GALNS: variants seen among roughly 807,000 people sequenced by gnomAD.
GALNS encodes the protein galactosamine (N-acetyl)-6-sulfatase.
A neutral mutation model predicts 65.9 loss-of-function variants in GALNS; 65 were observed. The ratio of observed to expected loss-of-function variants is 0.99; its 90% CI spans 0.81 to 1.21. The LOEUF is 1.21. GALNS is among the 50% of genes most tolerant of loss of function. The pLI is 0.00. For synonymous variants in GALNS, 346 were observed against 288.9 expected (o/e 1.20, Z -2.00); for missense variants, 776 against 700.7 (o/e 1.11, Z -1.21).
intron 1 of GALNS, among the ~76,000 whole-genome samples, chr16:88,851,407 T>A (rs1034073687): frequency 6.6e-6 from 1 of 152,096 alleles, no homozygotes; most frequent in African/African-American, 2.4e-5. Context: ...CATGGCTGAA[T>A]AGGAACAGCT....
chr16:88,817,434 G>T lies in GALNS; in HGVS notation c.1482+573C>A, dbSNP rs897939487. On this transcript the variant is annotated intron_variant, in intron 13 of 13. Transcript: ENST00000268695. ...GGTGGGTGCCTATGAGTGAGATCAGGTCTGATGCGAAGGTCTCTGGGGCTG... is the reference window on the plus strand; with the variant it reads ...GGTGGGTGCCTATGAGTGAGATCAGTTCTGATGCGAAGGTCTCTGGGGCTG... 5.1e-6 allele frequency: 5 copies of T among 985,330 alleles called. No individual in the cohort carries two copies. The African/African-American group carries it at 7.0e-5, about 14-fold the overall frequency. The allele number at this position is 985,330 out of a possible 1,614,324, so 61.0% of individuals were successfully genotyped here.
intron 13 of GALNS, 177 bp from the exon 14 acceptor site, chr16:88,814,702 T>C (rs1370542168): frequency 3.8e-6 from 2 of 525,192 alleles, no homozygotes; most frequent in Non-Finnish European, 4.9e-6. Flanking sequence ...CAAGAGATTC[T>C]CCTGCCTCAG....
At chr16:88,846,687 C>T (rs775280586) in intron 1 of GALNS, among the ~76,000 whole-genome samples, 4 of 151,820 alleles carry the variant, frequency 2.6e-5, no homozygotes, top group Admixed American at 6.6e-5. Flanking sequence ...GGATTATAGG[C>T]GCCCTCCATC....
chr16:88,849,603 G>C (rs1282068766), intron 1 of GALNS, among the ~76,000 whole-genome samples: 2 of 151,958 alleles, frequency 1.3e-5, no homozygotes, highest in Admixed American at 6.6e-5. Flanking sequence ...TTGTATTTTT[G>C]GTAGAGATGG....
intron 1 of GALNS, among the ~76,000 whole-genome samples, chr16:88,852,740 C>T (rs554559228): frequency 6.6e-6 from 1 of 152,290 alleles, no homozygotes; most frequent in Non-Finnish European, 1.5e-5. Context: ...GTGACGCATG[C>T]ACAAGCTTCA....
chr16:88,822,551 C>G, intron 12 of GALNS, 38 bp downstream of exon 12: 1 of 1,611,030 alleles, frequency 6.2e-7, no homozygotes, highest in Non-Finnish European at 8.5e-7. Flanking sequence ...GTCCGGCTGG[C>G]ACTGCCTCAG....
Position 88,840,791 on chromosome 16 carries a change from C to A in GALNS, c.422+201G>T, listed in dbSNP as rs918327622. 1.5e-5 allele frequency: 9 copies of A among 619,776 alleles called. No homozygotes were observed. In the African/African-American group the frequency reaches 1.6e-4, roughly 11 times the overall value. The allele number at this position is 619,776 out of a possible 1,614,324, so 38.4% of individuals were successfully genotyped here. ...AGGATACTCGCGGCCGTGGGACCAG[C>A]CTGGTGACCTGAGATCCTGCTGGCA... is the stretch of plus-strand genomic sequence containing the variant. On this transcript the variant is annotated intron_variant, in intron 4 of 13. Coordinates refer to ENST00000268695, the MANE Select transcript of GALNS (RefSeq NM_000512.5).
chr16:88,827,054 G>A (rs962404385), intron 9 of GALNS: 4 of 610,758 alleles, frequency 6.5e-6, no homozygotes, highest in African/African-American at 1.8e-5. Context: ...GCCAGGCCAC[G>A]CCCTCACTCC....
intron 1 of GALNS, among the ~76,000 whole-genome samples, chr16:88,852,505 C>G (rs1337358575): frequency 6.6e-6 from 1 of 152,210 alleles, no homozygotes; most frequent in Non-Finnish European, 1.5e-5. Flanking sequence ...TCCTCGCCAG[C>G]AAGGGAACAA....
chr16:88,853,465 C>T (rs527714076), intron 1 of GALNS, among the ~76,000 whole-genome samples: 13 of 152,274 alleles, frequency 8.5e-5, no homozygotes, highest in Middle Eastern at 3.4e-3. Context: ...CAACCCTCCC[C>T]GGACTCTGGT....
intron 9 of GALNS, among the ~76,000 whole-genome samples, chr16:88,829,171 G>C (rs145957122): frequency 3.4e-4 from 49 of 143,310 alleles, no homozygotes; most frequent in Admixed American, 1.0e-3. Flanking sequence ...GTCTCCCAGA[G>C]CTACACAGTT....
In GALNS at chr16:88,846,174, A is replaced by C. The variant is rs1349704250; in HGVS notation, c.121-3345T>G. 2.0e-5 allele frequency among the ~76,000 whole-genome samples: 3 copies of C among 152,324 alleles called. No individual in the cohort carries two copies. The East Asian group carries it at 5.8e-4, about 29-fold the overall frequency. The stretch of plus-strand genomic sequence containing the variant: ...GTTAATGGGTGGAGCTGTATCCCCA[A>C]AAGTTATGCTGAAATCATGGCCCCA... On this transcript the variant is annotated intron_variant, in intron 1 of 13. Coordinates refer to ENST00000268695, the MANE Select transcript of GALNS (RefSeq NM_000512.5).
intron 2 of GALNS, chr16:88,842,448 C>T (rs923226458): frequency 1.2e-5 from 7 of 572,928 alleles, no homozygotes; most frequent in African/African-American, 7.5e-5. Flanking sequence ...CCACAGCACT[C>T]GACTCTGGGA....
intron 12 of GALNS, among the ~76,000 whole-genome samples, chr16:88,821,042 TTCACGGGTC>T (rs1910159568): frequency 6.6e-6 from 1 of 152,156 alleles, no homozygotes; most frequent in African/African-American, 2.4e-5. Context: ...CCCCCATGGT[TTCACGGGTC>T]TCACCCCCAT....
chr16:88,829,127 C>T (rs1044333543), intron 9 of GALNS, among the ~76,000 whole-genome samples: 2 of 151,266 alleles, frequency 1.3e-5, no homozygotes, highest in African/African-American at 4.9e-5. Flanking sequence ...CCAACGTCTC[C>T]CAGAGCTACG....
intron 4 of GALNS, among the ~76,000 whole-genome samples, chr16:88,839,936 G>A (rs1446268688): frequency 2.6e-5 from 4 of 152,208 alleles, no homozygotes; most frequent in Non-Finnish European, 5.9e-5. Context: ...CACTTGGAGA[G>A]GCCACCGGCT....
At chr16:88,817,816 G>A (rs1193513535) in intron 13 of GALNS, among the ~76,000 whole-genome samples, 191 bp downstream of exon 13, 5 of 152,180 alleles carry the variant, frequency 3.3e-5, no homozygotes, top group African/African-American at 4.8e-5. Flanking sequence ...TCTGGTCCCC[G>A]AGTCGCTTGG....
chr16:88,822,868 C>G (rs1232784934), intron 11 of GALNS, among the ~76,000 whole-genome samples, 158 bp from the exon 12 acceptor site: 1 of 152,132 alleles, frequency 6.6e-6, no homozygotes, highest in Non-Finnish European at 1.5e-5. Context: ...GGGGTCTCGT[C>G]TGCCTGTGCC....
At chr16:88,829,331 T>C (rs1252641136) in intron 9 of GALNS, among the ~76,000 whole-genome samples, 1 of 152,122 alleles carries the variant, frequency 6.6e-6, no homozygotes, top group Non-Finnish European at 1.5e-5. Flanking sequence ...CTGCATTCTG[T>C]CCTAGGGGCA....
Sources: gnomAD v4.1 joint callset for allele counts (sites outside exome capture counted in the v4.1 genomes callset) on GRCh38, gnomAD v4.1.1 for gene constraint, MANE v1.5 for transcripts, NCBI Gene and HGNC (gene_info 2026-07-23, HGNC 2026-07-21) for gene names.